Variants in PITPNC1 observed in about 807,000 individuals in gnomAD.
The protein encoded by PITPNC1 is phosphatidylinositol transfer protein cytoplasmic 1, also known as cytoplasmic phosphatidylinositol transfer protein 1.
A neutral mutation model predicts 44.7 loss-of-function variants in PITPNC1; 18 were observed. The ratio of observed to expected loss-of-function variants is 0.40; its 90% CI spans 0.28 to 0.60. PITPNC1 has a LOEUF of 0.60. PITPNC1 is among the 20% of genes least tolerant of loss of function. The pLI, the probability that PITPNC1 is intolerant of heterozygous loss-of-function variation, is 0.39. For synonymous variants in PITPNC1, 141 were observed against 149.6 expected (o/e 0.94, Z 0.42); for missense variants, 290 against 418.4 (o/e 0.69, Z 2.68).
intron 5 of PITPNC1, among the ~76,000 whole-genome samples, chr17:67,599,251 C>G (rs2041510943): frequency 1.3e-5 from 2 of 151,360 alleles, no homozygotes; most frequent in South Asian, 4.2e-4. Flanking sequence ...TTGATGAATT[C>G]AGTTTTTGTC....
At chr17:67,401,371 C>G (rs2038308273) in intron 1 of PITPNC1, among the ~76,000 whole-genome samples, 1 of 152,116 alleles carries the variant, frequency 6.6e-6, no homozygotes, top group Non-Finnish European at 1.5e-5. Context: ...TACCAGCCAT[C>G]GCTTGGGTGT....
intron 1 of PITPNC1, among the ~76,000 whole-genome samples, chr17:67,486,400 G>A (rs1257354259): frequency 6.6e-6 from 1 of 152,094 alleles, no homozygotes; most frequent in Non-Finnish European, 1.5e-5. Flanking sequence ...TAGAAAAATA[G>A]ACCTCTTCTT....
In PITPNC1 at chr17:67,532,299, G is replaced by A. The variant is rs1228159407; in HGVS notation, c.49-503G>A. Among the ~76,000 whole-genome samples, 3 of 152,210 alleles carry A rather than the reference G, an allele frequency of 2.0e-5. No individual in the cohort carries two copies. The East Asian group carries it at 5.8e-4, about 29-fold the overall frequency. ...TATCCAGCCACCTTTGAGAACCATT[G>A]TTCTAGGGGACAGAGGCCTCCAGGA... On this transcript the variant is annotated intron_variant, in intron 1 of 8. Coordinates refer to ENST00000581322, the MANE Select transcript of PITPNC1 (RefSeq NM_012417.4).
intron 5 of PITPNC1, among the ~76,000 whole-genome samples, chr17:67,610,932 AAAAG>A (rs2041680061): frequency 6.6e-6 from 1 of 151,790 alleles, no homozygotes; most frequent in African/African-American, 2.4e-5. Flanking sequence ...AAAAAAAAAA[AAAAG>A]AAAAAGAAAA....
At chr17:67,503,448 G>A (rs2040062241) in intron 1 of PITPNC1, among the ~76,000 whole-genome samples, 1 of 152,142 alleles carries the variant, frequency 6.6e-6, no homozygotes. Flanking sequence ...CGGGGAGGGA[G>A]GGGGCATTGT....
intron 1 of PITPNC1, among the ~76,000 whole-genome samples, chr17:67,385,222 T>C (rs1394567872): frequency 6.6e-6 from 1 of 152,144 alleles, no homozygotes; most frequent in South Asian, 2.1e-4. Context: ...TAAAATACGC[T>C]AATCAGCAGG....
intron 5 of PITPNC1, among the ~76,000 whole-genome samples, chr17:67,596,805 C>T (rs999453080): frequency 2.0e-5 from 3 of 152,070 alleles, no homozygotes; most frequent in Non-Finnish European, 4.4e-5. Flanking sequence ...CCCTAGAGGC[C>T]GAGTAAATTC....
chr17:67,471,617 G>C (rs2039534296), intron 1 of PITPNC1: 2 of 358,462 alleles, frequency 5.6e-6, no homozygotes, highest in Admixed American at 7.6e-5. Flanking sequence ...TAAATCTAAA[G>C]TTAACTTTAG....
At chr17:67,426,841 T>C (rs1319347066) in intron 1 of PITPNC1, among the ~76,000 whole-genome samples, 1 of 152,256 alleles carries the variant, frequency 6.6e-6, no homozygotes, top group Admixed American at 6.5e-5. Flanking sequence ...TGTTCCACAT[T>C]TGTTTCCTGT....
At chr17:67,477,600 A>G (rs531880229) in intron 1 of PITPNC1, among the ~76,000 whole-genome samples, 59 of 150,896 alleles carry the variant, frequency 3.9e-4, no homozygotes, top group African/African-American at 1.2e-3. Context: ...GGGTCTTGCT[A>G]TGTTGCCCAG....
At chr17:67,592,071 A>G (rs2041399922) in intron 5 of PITPNC1, among the ~76,000 whole-genome samples, 1 of 152,096 alleles carries the variant, frequency 6.6e-6, no homozygotes, top group Non-Finnish European at 1.5e-5. Context: ...AATGTAACTA[A>G]AGATAAAAGA....
At chr17:67,519,303 A>C (rs2040297701) in intron 1 of PITPNC1, among the ~76,000 whole-genome samples, 1 of 150,788 alleles carries the variant, frequency 6.6e-6, no homozygotes, top group Admixed American at 6.7e-5. Context: ...CAGCCTCCCA[A>C]GTAGCTGGGA....
intron 1 of PITPNC1, among the ~76,000 whole-genome samples, chr17:67,491,992 C>CT (rs954418285): frequency 1.9e-4 from 27 of 145,592 alleles, no homozygotes; most frequent in South Asian, 4.5e-4. Context: ...AGCGGTCTTC[C>CT]TTTTTTTTTC....
At chr17:67,450,624 G>A (rs143451308) in intron 1 of PITPNC1, among the ~76,000 whole-genome samples, 3 of 152,062 alleles carry the variant, frequency 2.0e-5, no homozygotes, top group East Asian at 1.9e-4. Flanking sequence ...CGAGATTTTC[G>A]CTGTGTTGCC....
intron 5 of PITPNC1, among the ~76,000 whole-genome samples, chr17:67,600,252 G>GA (rs974173103): frequency 9.9e-5 from 15 of 151,564 alleles, no homozygotes; most frequent in African/African-American, 3.4e-4. Flanking sequence ...TGGAGGTGGA[G>GA]AAAAAAAAGC....
chr17:67,556,196 T>A (rs908980742), intron 4 of PITPNC1, among the ~76,000 whole-genome samples: 3 of 151,986 alleles, frequency 2.0e-5, no homozygotes, highest in African/African-American at 7.3e-5. Context: ...AAAAGAAGGG[T>A]GCTGGCCTCT....
intron 5 of PITPNC1, among the ~76,000 whole-genome samples, chr17:67,618,488 C>T (rs1383205591): frequency 1.3e-5 from 2 of 151,998 alleles, no homozygotes; most frequent in Admixed American, 6.6e-5. Context: ...TAGTGGCTCA[C>T]GCCTGTAATC....
At chr17:67,540,734 T>A (rs777422376) in intron 2 of PITPNC1, among the ~76,000 whole-genome samples, 1 of 152,212 alleles carries the variant, frequency 6.6e-6, no homozygotes, top group Non-Finnish European at 1.5e-5. Flanking sequence ...AAGGTACAGA[T>A]GATGGATAGT....
chr17:67,462,225 C>CTTTCTT (rs2039349475), intron 1 of PITPNC1, among the ~76,000 whole-genome samples: 1 of 71,256 alleles, frequency 1.4e-5, no homozygotes, highest in Non-Finnish European at 2.5e-5. Flanking sequence ...TTCTTTCTTT[C>CTTTCTT]TTTTTTTTTT....
Sources: allele counts gnomAD v4.1 joint callset (sites outside exome capture counted in the v4.1 genomes callset), GRCh38; gene constraint gnomAD v4.1.1; transcripts MANE v1.5; gene names NCBI Gene and HGNC (gene_info 2026-07-23, HGNC 2026-07-21).